The following FNTB variants were observed in gnomAD, a reference collection of about 807,000 sequenced individuals.
FNTB encodes protein farnesyltransferase subunit beta.
FNTB carries 27 observed loss-of-function variants against 59.4 expected under a neutral mutation model. That is an observed-to-expected ratio of 0.45 (90% CI 0.34 to 0.63). FNTB has a LOEUF of 0.63. Ranked by LOEUF, FNTB falls within the 20% of genes least tolerant of loss-of-function variation. FNTB has a pLI of 0.02. For synonymous variants in FNTB, 230 were observed against 220.7 expected (o/e 1.04, Z -0.37); for missense variants, 449 against 559.6 (o/e 0.80, Z 1.99).
rs1179579366 is a variant in FNTB at position 64,986,942 on chromosome 14, GCT to G, written c.-8_-7del. ...AGCAGAGTCCTACACACTGTCTGCT[GCT>G]CTCCTGATCATGGCTTCTCCGAGTT... is the stretch of plus-strand genomic sequence containing the variant. On this transcript the variant is annotated 5_prime_UTR_variant, in exon 1 of 12. Transcript: ENST00000246166. 4 of 1,614,076 alleles carry G rather than the reference GCT, an allele frequency of 2.5e-6. No individual in the cohort carries two copies. The highest frequency in any genetic ancestry group is 1.3e-5 in the African/African-American group (1 of 74,952).
rs1879120126 is a variant in FNTB, at chr14:65,027,077, A to C, written c.375-376A>C. On this transcript the variant is annotated intron_variant, in intron 4 of 11. Coordinates refer to ENST00000246166, the MANE Select transcript of FNTB (RefSeq NM_002028.4). The surrounding 1 kb of genome is among the most constrained non-coding windows in gnomAD (Gnocchi z 5.7). ...CAAAGGCTGGGAGGTTCCCAAAGGC[A>C]AGGAGGAGGAGGCTGGTACCACAGG... Among the ~76,000 whole-genome samples the C allele has an allele frequency of 6.6e-6, 1 of 152,110 alleles. No homozygotes were observed. Among genetic ancestry groups the C allele is most frequent in the East Asian group, 1.9e-4 (1 of 5,178 alleles).
intron 4 of FNTB, among the ~76,000 whole-genome samples, chr14:65,019,931 C>T (rs1169915535): frequency 6.6e-6 from 1 of 152,104 alleles, no homozygotes; most frequent in Non-Finnish European, 1.5e-5. Flanking sequence ...ATTTATCTTG[C>T]ACAGGGAAAT....
chr14:65,044,204 A>G lies in FNTB; in HGVS notation c.823-107A>G. 9 of 1,578,382 alleles carry G rather than the reference A, an allele frequency of 5.7e-6. No homozygotes were observed. Among genetic ancestry groups the G allele is most frequent in the South Asian group, 2.3e-5 (2 of 87,042 alleles). On this transcript the variant is annotated intron_variant, in intron 8 of 11. Transcript: ENST00000246166. The surrounding 1 kb of genome is among the most constrained non-coding windows in gnomAD (Gnocchi z 5.5). The stretch of plus-strand genomic sequence containing the variant: ...ACCAAAACTAGAGTGCCAAGAAGCC[A>G]CAAGATGGGAAACCCTCCATCCCAC...
chr14:65,039,682 A>G (rs2062299272), intron 7 of FNTB, among the ~76,000 whole-genome samples: 1 of 152,216 alleles, frequency 6.6e-6, no homozygotes. Flanking sequence ...TTGTGTCAGT[A>G]TAAAGGAATA....
chr14:65,040,063 G>A (rs931486026), intron 7 of FNTB, among the ~76,000 whole-genome samples: 1 of 152,020 alleles, frequency 6.6e-6, no homozygotes, highest in African/African-American at 2.4e-5. Context: ...GGTGGGGCAC[G>A]CCCATAGTCC....
chr14:65,050,412 G>A (rs2062579868), intron 9 of FNTB, among the ~76,000 whole-genome samples: 1 of 152,144 alleles, frequency 6.6e-6, no homozygotes, highest in South Asian at 2.1e-4. Flanking sequence ...TCAACATAGT[G>A]AAACCCTGTC....
At chr14:65,008,639 T>C (rs2061633364) in intron 2 of FNTB, among the ~76,000 whole-genome samples, 1 of 152,098 alleles carries the variant, frequency 6.6e-6, no homozygotes, top group Non-Finnish European at 1.5e-5. Flanking sequence ...ACTTAAAGGA[T>C]GGGGAGAGTG....
Position 65,007,688 on chromosome 14 carries a change from C to T in FNTB, c.209+3375C>T, listed in dbSNP as rs1163710037. ...GTTTTGTTTATTCATGTCTGCTTTC[C>T]CATGAAAATTCATTTTTTCTTCCCT... On this transcript the variant is annotated intron_variant, in intron 2 of 11. Coordinates refer to ENST00000246166, the MANE Select transcript of FNTB (RefSeq NM_002028.4). This position sits in a 1 kb window ranked among gnomAD's most constrained non-coding sequence, Gnocchi z 4.9. Among the ~76,000 whole-genome samples, 1 of 152,146 alleles carries T rather than the reference C, an allele frequency of 6.6e-6. No homozygotes were observed. Among genetic ancestry groups the T allele is most frequent in the Non-Finnish European group, 1.5e-5 (1 of 68,030 alleles).
chr14:65,051,900 T>C (rs1334234501), intron 9 of FNTB, among the ~76,000 whole-genome samples: 1 of 151,714 alleles, frequency 6.6e-6, no homozygotes, highest in Non-Finnish European at 1.5e-5. Flanking sequence ...GTTCACGCCA[T>C]TCTCCTGCCT....
intron 11 of FNTB, among the ~76,000 whole-genome samples, chr14:65,056,847 A>G (rs2062747269): frequency 6.6e-6 from 1 of 152,216 alleles, no homozygotes; most frequent in Non-Finnish European, 1.5e-5. Flanking sequence ...GGTAATGTAT[A>G]AAGACAAGAG....
intron 4 of FNTB, among the ~76,000 whole-genome samples, chr14:65,019,346 A>T (rs1388059118): frequency 6.6e-6 from 1 of 151,038 alleles, no homozygotes; most frequent in African/African-American, 2.4e-5. Context: ...AAATAGCCAG[A>T]TGTGGTGGCT....
In FNTB at chr14:65,034,504, A is replaced by G. The variant is rs1388675459; in HGVS notation, c.692+1808A>G. Among the ~76,000 whole-genome samples the G allele has an allele frequency of 6.6e-5, 10 of 152,334 alleles. No individual in the cohort carries two copies. The East Asian group carries it at 1.2e-3, about 18-fold the overall frequency. ...TGTAGTCTTTCTGAATTTTGTAAGCATTGCTTCATTATCTTCTGGCTTCCA... is the reference window on the plus strand; with the variant it reads ...TGTAGTCTTTCTGAATTTTGTAAGCGTTGCTTCATTATCTTCTGGCTTCCA... On this transcript the variant is annotated intron_variant, in intron 7 of 11. Transcript: ENST00000246166.
intron 4 of FNTB, among the ~76,000 whole-genome samples, chr14:65,020,104 A>G (rs1239656917): frequency 6.6e-6 from 1 of 152,142 alleles, no homozygotes; most frequent in African/African-American, 2.4e-5. Context: ...TCTCTTTCCT[A>G]TTTTGTTCAC....
intron 10 of FNTB, among the ~76,000 whole-genome samples, chr14:65,053,697 CAG>C (rs1184674324): frequency 6.6e-6 from 1 of 151,356 alleles, no homozygotes; most frequent in Non-Finnish European, 1.5e-5. Context: ...GTGTTGTAAA[CAG>C]AGACTGTAAT....
chr14:65,001,098 G>C lies in FNTB; in HGVS notation c.145-3151G>C, dbSNP rs974015091. 1.3e-5 allele frequency among the ~76,000 whole-genome samples: 2 copies of C among 152,092 alleles called. No homozygotes were observed. Among genetic ancestry groups the C allele is most frequent in the African/African-American group, 4.8e-5 (2 of 41,400 alleles). The stretch of plus-strand genomic sequence containing the variant: ...GGTCTCTCTGGGCCTGATAAATTTT[G>C]CATACCTCACATAACTCAGACTGCT... On this transcript the variant is annotated intron_variant, in intron 1 of 11. Coordinates refer to ENST00000246166, the MANE Select transcript of FNTB (RefSeq NM_002028.4). The surrounding 1 kb of genome is among the most constrained non-coding windows in gnomAD (Gnocchi z 5.5).
intron 7 of FNTB, among the ~76,000 whole-genome samples, chr14:65,038,505 G>A (rs1171812333): frequency 1.3e-5 from 2 of 151,930 alleles, no homozygotes; most frequent in Non-Finnish European, 2.9e-5. Flanking sequence ...AGATCACGAG[G>A]TCAGGAGTTC....
In FNTB at chr14:65,054,668, G is replaced by C. The variant is rs1390345431; in HGVS notation, c.1161G>C (p.Leu387=). ...GSGAMLHDVV[L]GVPENALQPT... ...GAGCCATGTTGCATGATGTGGTCCT[G>C]GGTGTGCCCGAAAACGCTCTGGTAA... is the stretch of plus-strand genomic sequence containing the variant. The change falls in exon 11 of 12, where the codon CTG becomes CTC. Residue 387 remains leucine (L), a synonymous_variant. Transcript: ENST00000246166. The surrounding 1 kb of genome is among the most constrained non-coding windows in gnomAD (Gnocchi z 4.4). 3.1e-6 allele frequency: 5 copies of C among 1,612,234 alleles called. No individual in the cohort carries two copies. The highest frequency in any genetic ancestry group is 3.4e-6 in the Non-Finnish European group (4 of 1,179,240).
At chr14:64,993,746 T>C (rs1218815528) in intron 1 of FNTB, among the ~76,000 whole-genome samples, 1 of 152,216 alleles carries the variant, frequency 6.6e-6, no homozygotes, top group African/African-American at 2.4e-5. Flanking sequence ...TGGCTTTAGA[T>C]AGAAGCTGTG....
chr14:65,032,246 C>A lies in FNTB; in HGVS notation c.606-364C>A, dbSNP rs1435809641. On this transcript the variant is annotated intron_variant, in intron 6 of 11. Transcript: ENST00000246166. The surrounding 1 kb of genome is among the most constrained non-coding windows in gnomAD (Gnocchi z 5.0). ...CTAACATCCAAATGAATGAGCATAT[C>A]AGAAGTACCTGAATGATACCATAGA... is the stretch of plus-strand genomic sequence containing the variant. The A allele has an allele frequency of 2.4e-5, 4 of 168,788 alleles. No homozygotes were observed. In the East Asian group the frequency reaches 6.7e-4, roughly 28 times the overall value. 10.5% of individuals were successfully genotyped at this position (168,788 alleles called of 1,614,324 possible).
Sources: allele counts gnomAD v4.1 joint callset (sites outside exome capture counted in the v4.1 genomes callset), GRCh38; gene constraint gnomAD v4.1.1; non-coding constraint Gnocchi (gnomAD v3.1); transcripts MANE v1.5; gene names NCBI Gene and HGNC (gene_info 2026-07-23, HGNC 2026-07-21).